The following ATP2B1 variants were observed in gnomAD, a reference collection of about 807,000 sequenced individuals.
ATP2B1 encodes ATPase plasma membrane Ca2+ transporting 1.
A neutral mutation model predicts 124.2 loss-of-function variants in ATP2B1; 14 were observed. The observed-to-expected ratio is 0.11, with a 90% confidence interval of 0.07 to 0.18. ATP2B1 has a LOEUF of 0.18. Among genes scored for constraint, ATP2B1 ranks in the 10% least tolerant of loss-of-function variants. The pLI, the probability that ATP2B1 is intolerant of heterozygous loss-of-function variation, is 1.00. For missense variants in ATP2B1, 763 were observed against 1,466.1 expected (o/e 0.52, Z 7.83); for synonymous variants, 449 against 492.4 (o/e 0.91, Z 1.17).
At chr12:89,680,921 A>C (rs1027426837) in intron 1 of ATP2B1, among the ~76,000 whole-genome samples, 2 of 152,222 alleles carry the variant, frequency 1.3e-5, no homozygotes, top group Non-Finnish European at 2.9e-5. Context: ...ATTTTCAAGA[A>C]ACTTCAGAAT....
At chr12:89,599,572 G>C (rs780052211) in intron 19 of ATP2B1, among the ~76,000 whole-genome samples, 6 of 152,066 alleles carry the variant, frequency 3.9e-5, no homozygotes, top group Non-Finnish European at 7.4e-5. Context: ...ATTCAAGACA[G>C]TACATTGTAA....
chr12:89,671,456 G>A (rs1253176326), intron 1 of ATP2B1, among the ~76,000 whole-genome samples: 1 of 152,214 alleles, frequency 6.6e-6, no homozygotes, highest in Non-Finnish European at 1.5e-5. Context: ...CCAGAGTTAA[G>A]AGGAGGACAC....
In ATP2B1 at chr12:89,615,294, C is replaced by A. The variant is rs531997957; in HGVS notation, c.2067+1508G>T. Among the ~76,000 whole-genome samples the A allele has an allele frequency of 2.6e-3, 394 of 152,298 alleles. 2 individuals are homozygous for A. Among genetic ancestry groups the A allele is most frequent in the African/African-American group, 9.0e-3 (376 of 41,566 alleles). ...CTTTATTTCATTACACCGTGCATATCTTATATAGCCCTTCTGCACTTGTAA... is the reference window on the plus strand; with the variant it reads ...CTTTATTTCATTACACCGTGCATATATTATATAGCCCTTCTGCACTTGTAA... On this transcript the variant is annotated intron_variant, in intron 12 of 20. Transcript: ENST00000428670.
At chr12:89,598,288 A>T (rs1565797708) in intron 20 of ATP2B1, among the ~76,000 whole-genome samples, 1 of 152,330 alleles carries the variant, frequency 6.6e-6, no homozygotes, top group South Asian at 2.1e-4. Flanking sequence ...ATACTCAAAA[A>T]TTTATAGTAG....
intron 1 of ATP2B1, among the ~76,000 whole-genome samples, chr12:89,676,490 C>T (rs897470546): frequency 1.3e-5 from 2 of 152,082 alleles, no homozygotes; most frequent in Admixed American, 1.3e-4. Flanking sequence ...CAGGGTCTCA[C>T]TACGTTGCCC....
intron 20 of ATP2B1, chr12:89,598,603 A>G (rs1389083192): frequency 6.2e-7 from 1 of 1,613,778 alleles, no homozygotes; most frequent in Non-Finnish European, 8.5e-7. Flanking sequence ...CCACAGTAGT[A>G]GAAGCAGTAG....
chr12:89,706,537 CTA>C (rs1361105787), intron 1 of ATP2B1, among the ~76,000 whole-genome samples: 1 of 152,054 alleles, frequency 6.6e-6, no homozygotes, highest in Non-Finnish European at 1.5e-5. Flanking sequence ...CAAATCAAAA[CTA>C]GTTTCTCATC....
chr12:89,608,561 T>TA, intron 15 of ATP2B1, among the ~76,000 whole-genome samples: 1 of 152,126 alleles, frequency 6.6e-6, no homozygotes, highest in Non-Finnish European at 1.5e-5. Context: ...ATGAAGAGCT[T>TA]AAAAAACACT....
At position 89,590,824 on chromosome 12, in the gene ATP2B1, C is replaced by CTTT; in HGVS notation, c.*157_*159dup. On this transcript the variant is annotated 3_prime_UTR_variant, in exon 21 of 21. Coordinates refer to ENST00000428670, the MANE Select transcript of ATP2B1 (RefSeq NM_001366521.1). ...ACCCTCAGTCTGGCAGAAAGCTTTG[C>CTTT]TTTTTTTTTTTTAAAAAAATAAATC... 2 of 673,390 alleles carry CTTT rather than the reference C, an allele frequency of 3.0e-6. No homozygotes were observed. The highest frequency in any genetic ancestry group is 4.5e-6 in the Non-Finnish European group (2 of 443,766). 41.7% of individuals were successfully genotyped at this position (673,390 alleles called of 1,614,324 possible).
At chr12:89,624,480 A>G in intron 8 of ATP2B1, 83 bp from the exon 9 acceptor site, 1 of 1,125,706 alleles carries the variant, frequency 8.9e-7, no homozygotes, top group South Asian at 1.6e-5. Context: ...AAACACTGTA[A>G]AGAGTTATAA....
rs1366018007 is a variant in ATP2B1, at chr12:89,603,121, A to G, written c.2982T>C (p.His994=). ...TTCCTTCGAATACATTTCTTTCACC[A>G]TGAATTTTCCGGGCATTTATTTCGT... The part of the protein sequence containing the change: ...LFNEINARKI[H]GERNVFEGIF... Residue 994 remains histidine (H), a synonymous_variant, in exon 18 of 21, where the codon CAT becomes CAC. Coordinates refer to ENST00000428670, the MANE Select transcript of ATP2B1 (RefSeq NM_001366521.1). This position sits in a 1 kb window ranked among gnomAD's most constrained non-coding sequence, Gnocchi z 4.3. 1 of 1,613,894 alleles carries G rather than the reference A, an allele frequency of 6.2e-7. No homozygotes were observed. Among genetic ancestry groups the G allele is most frequent in the African/African-American group, 1.3e-5 (1 of 74,924 alleles).
At chr12:89,597,389 C>T (rs543126646) in intron 20 of ATP2B1, among the ~76,000 whole-genome samples, 3 of 152,228 alleles carry the variant, frequency 2.0e-5, no homozygotes, top group Non-Finnish European at 2.9e-5. Flanking sequence ...TTACATCATG[C>T]GGCCTCTGCT....
At chr12:89,663,884 C>T (rs190086187) in intron 1 of ATP2B1, among the ~76,000 whole-genome samples, 2 of 152,092 alleles carry the variant, frequency 1.3e-5, no homozygotes, top group East Asian at 3.9e-4. Context: ...TCACTTTCCA[C>T]TGTCCTTTTT....
chr12:89,626,970 T>C (rs1880982273), intron 7 of ATP2B1, among the ~76,000 whole-genome samples: 1 of 152,186 alleles, frequency 6.6e-6, no homozygotes, highest in African/African-American at 2.4e-5. Flanking sequence ...AGAGATTATG[T>C]ATAACCATAT....
chr12:89,634,119 C>T (rs1882319888), intron 5 of ATP2B1, among the ~76,000 whole-genome samples: 1 of 152,106 alleles, frequency 6.6e-6, no homozygotes, highest in African/African-American at 2.4e-5. Flanking sequence ...AAGAGCCTCC[C>T]AAGCTGTCAC....
At chr12:89,650,180 TGACTTTTCTAAGTG>T (rs1252193462) in intron 2 of ATP2B1, among the ~76,000 whole-genome samples, 3 of 152,160 alleles carry the variant, frequency 2.0e-5, no homozygotes, top group Admixed American at 2.0e-4. Context: ...GCAGCCAAAC[TGACTTTTCTAAGTG>T]AGGGACACCG....
chr12:89,679,997 CAT>C (rs1889138343), intron 1 of ATP2B1, among the ~76,000 whole-genome samples: 1 of 152,032 alleles, frequency 6.6e-6, no homozygotes, highest in Admixed American at 6.6e-5. Context: ...GAGAAAGACA[CAT>C]AAACTCCTGC....
intron 20 of ATP2B1, among the ~76,000 whole-genome samples, chr12:89,595,666 T>C (rs1200579433): frequency 1.3e-5 from 2 of 152,138 alleles, no homozygotes; most frequent in Non-Finnish European, 2.9e-5. Context: ...TCATTAAATA[T>C]ATTAACATAG....
chr12:89,614,773 G>A (rs373856958), intron 12 of ATP2B1, among the ~76,000 whole-genome samples: 28 of 152,194 alleles, frequency 1.8e-4, no homozygotes, highest in African/African-American at 3.9e-4. Flanking sequence ...CAAAAACAGC[G>A]TATCCAAACC....
Sources: gnomAD v4.1 joint callset for allele counts (sites outside exome capture counted in the v4.1 genomes callset) on GRCh38, gnomAD v4.1.1 for gene constraint, Gnocchi (gnomAD v3.1) non-coding constraint, MANE v1.5 for transcripts, NCBI Gene and HGNC (gene_info 2026-07-23, HGNC 2026-07-21) for gene names.